The following RALYL variants were observed in gnomAD, a reference collection of about 807,000 sequenced individuals.
The protein encoded by RALYL is RALY RNA binding protein like, also known as RNA-binding Raly-like protein.
A neutral mutation model predicts 35.1 loss-of-function variants in RALYL; 29 were observed. The observed-to-expected ratio is 0.83, with a 90% confidence interval of 0.61 to 1.13. The LOEUF (loss-of-function observed/expected upper bound fraction) is 1.13. RALYL is among the 50% of genes most tolerant of loss of function. The probability of loss-of-function intolerance (pLI) is 0.00; values close to 1 mark genes in which losing one functional copy is unlikely to be tolerated. For synonymous variants in RALYL, 120 were observed against 127.6 expected (o/e 0.94, Z 0.40); for missense variants, 359 against 360.4 (o/e 1.00, Z 0.03).
intron 2 of RALYL, among the ~76,000 whole-genome samples, chr8:84,732,903 G>A (rs113476942): frequency 7.7e-4 from 117 of 151,758 alleles, no homozygotes; most frequent in African/African-American, 2.8e-3. Context: ...CACCATGTTG[G>A]CCATGCTGGT....
intron 2 of RALYL, among the ~76,000 whole-genome samples, chr8:84,678,616 G>C (rs928648281): frequency 2.8e-4 from 43 of 152,132 alleles, no homozygotes; most frequent in African/African-American, 1.0e-3. Context: ...GAATTTAAAA[G>C]GAGGCTGCAA....
intron 1 of RALYL, among the ~76,000 whole-genome samples, chr8:84,186,729 C>T (rs187311486): frequency 1.3e-5 from 2 of 152,086 alleles, no homozygotes; most frequent in South Asian, 2.1e-4. Context: ...TTCTAAGAAC[C>T]TTTAGTTATC....
At chr8:84,323,636 AG>A (rs1272049282) in intron 1 of RALYL, among the ~76,000 whole-genome samples, 4 of 152,206 alleles carry the variant, frequency 2.6e-5, no homozygotes, top group Admixed American at 2.0e-4. Flanking sequence ...GCACATCAGT[AG>A]GTAAAGGCAC....
intron 1 of RALYL, among the ~76,000 whole-genome samples, chr8:84,278,193 C>G (rs1276628648): frequency 6.6e-6 from 1 of 152,214 alleles, no homozygotes; most frequent in Non-Finnish European, 1.5e-5. Flanking sequence ...TTCTGTGCAC[C>G]TGCAGGCTCA....
At chr8:84,389,997 TA>T (rs1860244929) in intron 1 of RALYL, among the ~76,000 whole-genome samples, 1 of 152,100 alleles carries the variant, frequency 6.6e-6, no homozygotes, top group African/African-American at 2.4e-5. Context: ...AGATAGCTCT[TA>T]TTATTTTGAG....
At chr8:84,734,697 C>T (rs933433165) in intron 2 of RALYL, among the ~76,000 whole-genome samples, 2 of 151,860 alleles carry the variant, frequency 1.3e-5, no homozygotes, top group South Asian at 4.1e-4. Context: ...GTTGTTCTAA[C>T]TGAAAATGGC....
chr8:84,235,186 TATTTA>T (rs1465198453), intron 1 of RALYL, among the ~76,000 whole-genome samples: 2 of 152,248 alleles, frequency 1.3e-5, no homozygotes, highest in Admixed American at 6.5e-5. Context: ...AGTTTCTTTT[TATTTA>T]ATTATAATGT....
intron 4 of RALYL, among the ~76,000 whole-genome samples, chr8:84,843,003 C>G (rs1272651951): frequency 6.6e-6 from 1 of 152,088 alleles, no homozygotes; most frequent in Non-Finnish European, 1.5e-5. Context: ...AAACCCACAG[C>G]CAATATCATA....
intron 2 of RALYL, among the ~76,000 whole-genome samples, chr8:84,626,362 A>G (rs778673835): frequency 2.0e-5 from 3 of 152,292 alleles, no homozygotes; most frequent in East Asian, 1.9e-4. Flanking sequence ...CTGAATGTCT[A>G]AAGACCTCTC....
At chr8:84,878,926 C>T (rs1841695735) in intron 7 of RALYL, among the ~76,000 whole-genome samples, 1 of 152,072 alleles carries the variant, frequency 6.6e-6, no homozygotes. Flanking sequence ...TATGTGGGAA[C>T]CCAAGGCACG....
Position 84,876,991 on chromosome 8 carries a change from C to T in RALYL, c.685+3594C>T, listed in dbSNP as rs148371910. ...CACATGGCATGCACTTTTCAGTTTG[C>T]TAATATCTTTATCCAGCCAGTTCAT... On this transcript the variant is annotated intron_variant, in intron 7 of 8. Coordinates refer to ENST00000521268, the MANE Select transcript of RALYL (RefSeq NM_173848.7). Among the ~76,000 whole-genome samples the T allele has an allele frequency of 5.8e-3, 889 of 152,234 alleles. 6 individuals carry two copies. Among genetic ancestry groups the T allele is most frequent in the African/African-American group, 0.019 (788 of 41,542 alleles).
At chr8:84,483,102 T>A (rs2054219532) in intron 1 of RALYL, among the ~76,000 whole-genome samples, 1 of 152,096 alleles carries the variant, frequency 6.6e-6, no homozygotes, top group Non-Finnish European at 1.5e-5. Flanking sequence ...TAGAATATAA[T>A]CAACATGAAA....
chr8:84,369,802 G>C (rs1210217911), intron 1 of RALYL, among the ~76,000 whole-genome samples: 1 of 152,060 alleles, frequency 6.6e-6, no homozygotes, highest in Middle Eastern at 3.2e-3. Context: ...CAGTATATTA[G>C]CCTATAGCAA....
intron 1 of RALYL, among the ~76,000 whole-genome samples, chr8:84,355,043 T>C (rs1851565102): frequency 6.6e-6 from 1 of 150,512 alleles, no homozygotes; most frequent in African/African-American, 2.5e-5. Flanking sequence ...TTGGAAATTA[T>C]GACTTTTGAG....
intron 2 of RALYL, among the ~76,000 whole-genome samples, chr8:84,697,463 C>T (rs1346536909): frequency 2.0e-5 from 3 of 151,874 alleles, no homozygotes; most frequent in Admixed American, 1.3e-4. Flanking sequence ...ATTATTTTCC[C>T]CGAAGAACAT....
chr8:84,496,320 C>T (rs2056013534), intron 1 of RALYL, among the ~76,000 whole-genome samples: 1 of 152,080 alleles, frequency 6.6e-6, no homozygotes, highest in Non-Finnish European at 1.5e-5. Flanking sequence ...GAAATATCAA[C>T]AATAGTTGTG....
At chr8:84,628,027 A>G (rs1205669810) in intron 2 of RALYL, among the ~76,000 whole-genome samples, 2 of 152,094 alleles carry the variant, frequency 1.3e-5, no homozygotes, top group Admixed American at 1.3e-4. Context: ...CTGGAATCTC[A>G]AAGTAATCTT....
intron 4 of RALYL, chr8:84,829,387 G>T: frequency 6.5e-6 from 1 of 153,836 alleles, no homozygotes; most frequent in South Asian, 2.0e-4. Flanking sequence ...GAGATGTGTT[G>T]GTGAAATAAC....
At chr8:84,858,841 C>T (rs1427479111) in intron 5 of RALYL, among the ~76,000 whole-genome samples, 1 of 152,128 alleles carries the variant, frequency 6.6e-6, no homozygotes. Context: ...TACATTAGGA[C>T]AACATCCAGT....
Sources: allele counts gnomAD v4.1 joint callset (sites outside exome capture counted in the v4.1 genomes callset), GRCh38; gene constraint gnomAD v4.1.1; transcripts MANE v1.5; gene names NCBI Gene and HGNC (gene_info 2026-07-23, HGNC 2026-07-21).